Variants in SLAIN2 observed in about 807,000 individuals in gnomAD.
SLAIN2 encodes SLAIN family member 2.
SLAIN2 carries 31 observed loss-of-function variants against 56.6 expected under a neutral mutation model. The ratio of observed to expected loss-of-function variants is 0.55; its 90% confidence interval spans 0.41 to 0.74. SLAIN2 has a LOEUF of 0.74. Ranked by LOEUF, SLAIN2 falls within the 30% of genes least tolerant of loss-of-function variation. The pLI is 0.00. For missense variants in SLAIN2, 777 were observed against 754.2 expected (o/e 1.03, Z -0.35); for synonymous variants, 317 against 284.9 (o/e 1.11, Z -1.13).
At chr4:48,365,110 T>C (rs1715478241) in intron 1 of SLAIN2, among the ~76,000 whole-genome samples, 1 of 152,154 alleles carries the variant, frequency 6.6e-6, no homozygotes, top group Non-Finnish European at 1.5e-5. Flanking sequence ...CTTTTGTTTT[T>C]GGTAAGTTAT....
chr4:48,402,916 T>C (rs1716593572), intron 6 of SLAIN2, among the ~76,000 whole-genome samples: 1 of 152,198 alleles, frequency 6.6e-6, no homozygotes, highest in Non-Finnish European at 1.5e-5. Context: ...GCGGTCCTTT[T>C]TGTTGATGTT....
At chr4:48,358,009 C>G (rs1715207973) in intron 1 of SLAIN2, among the ~76,000 whole-genome samples, 1 of 152,090 alleles carries the variant, frequency 6.6e-6, no homozygotes, top group South Asian at 2.1e-4. Context: ...CTATTAAAGT[C>G]TTTAACTTAG....
In SLAIN2 at chr4:48,342,803, T is replaced by A. The variant is rs781094371; in HGVS notation, c.389+675T>A. On this transcript the variant is annotated intron_variant, in intron 1 of 7. Coordinates refer to ENST00000264313, the MANE Select transcript of SLAIN2 (RefSeq NM_020846.2). Reference sequence around the variant, plus strand: ...CTTATTTTCTAAAACAAGAATTGAGTCTGGCGTTTTGCAGAGCTCTGAATT... The same window carrying A: ...CTTATTTTCTAAAACAAGAATTGAGACTGGCGTTTTGCAGAGCTCTGAATT... Among the ~76,000 whole-genome samples the A allele has an allele frequency of 4.8e-5, 7 of 145,584 alleles. No individual in the cohort carries two copies. The East Asian group carries it at 6.1e-4, about 13-fold the overall frequency.
At chr4:48,418,858 G>C (rs1717068943) in intron 6 of SLAIN2, among the ~76,000 whole-genome samples, 1 of 152,148 alleles carries the variant, frequency 6.6e-6, no homozygotes, top group African/African-American at 2.4e-5. Context: ...TACAGTGTGT[G>C]TGTGTGTATG....
At chr4:48,399,267 T>A (rs931113621) in intron 6 of SLAIN2, among the ~76,000 whole-genome samples, 2 of 152,186 alleles carry the variant, frequency 1.3e-5, no homozygotes, top group Non-Finnish European at 2.9e-5. Context: ...TTTGTAGCAT[T>A]GTGAATGGGA....
chr4:48,359,910 C>CT (rs2109743045), intron 1 of SLAIN2, among the ~76,000 whole-genome samples: 1 of 152,312 alleles, frequency 6.6e-6, no homozygotes, highest in African/African-American at 2.4e-5. Flanking sequence ...AATCCCAGCA[C>CT]TTTGAGAGGC....
chr4:48,353,602 A>G (rs1715077406), intron 1 of SLAIN2, among the ~76,000 whole-genome samples: 1 of 152,126 alleles, frequency 6.6e-6, no homozygotes, highest in Non-Finnish European at 1.5e-5. Context: ...GGTTTTTTTT[A>G]CTGGAGTAAA....
Position 48,422,146 on chromosome 4 carries a change from T to C in SLAIN2, c.*69T>C, listed in dbSNP as rs1340204568. ...CCTTCACCAGGCTAAAAAACAACTT[T>C]TATATGCAGACTGTTCAGATAAGAC... On this transcript the variant is annotated 3_prime_UTR_variant, in exon 8 of 8. Transcript: ENST00000264313. The C allele has an allele frequency of 2.5e-6, 3 of 1,192,464 alleles. No homozygotes were observed. Among genetic ancestry groups the C allele is most frequent in the Non-Finnish European group, 2.4e-6 (2 of 816,758 alleles). 73.9% of individuals were successfully genotyped at this position (1,192,464 alleles called of 1,614,324 possible).
chr4:48,377,718 G>GT (rs1715858916), intron 2 of SLAIN2, among the ~76,000 whole-genome samples, 178 bp from the exon 3 acceptor site: 1 of 151,926 alleles, frequency 6.6e-6, no homozygotes, highest in Non-Finnish European at 1.5e-5. Context: ...TGCATACACA[G>GT]TTTAAGATAA....
At chr4:48,364,364 C>T (rs1022021356) in intron 1 of SLAIN2, among the ~76,000 whole-genome samples, 5 of 84,694 alleles carry the variant, frequency 5.9e-5, no homozygotes, top group Non-Finnish European at 1.3e-4. Context: ...GGATGGCGGC[C>T]GGGTGGAGAC....
At chr4:48,383,605 C>A in intron 5 of SLAIN2, 42 bp from the exon 6 acceptor site, 1 of 1,446,656 alleles carries the variant, frequency 6.9e-7, no homozygotes, top group Non-Finnish European at 9.2e-7. Context: ...TTTTCTCCAT[C>A]TGAAAGAATA....
intron 7 of SLAIN2, among the ~76,000 whole-genome samples, chr4:48,421,524 C>T (rs1717157146): frequency 6.6e-6 from 1 of 151,960 alleles, no homozygotes; most frequent in Non-Finnish European, 1.5e-5. Flanking sequence ...TTCTATTTTT[C>T]AAAAGAGGAT....
chr4:48,371,992 G>A (rs1039888829), intron 2 of SLAIN2, among the ~76,000 whole-genome samples: 4 of 142,696 alleles, frequency 2.8e-5, no homozygotes, highest in Admixed American at 7.0e-5. Context: ...ACACACACGC[G>A]CGCACACACA....
At chr4:48,385,945 T>G (rs1351060925) in intron 6 of SLAIN2, among the ~76,000 whole-genome samples, 5 of 151,794 alleles carry the variant, frequency 3.3e-5, no homozygotes, top group African/African-American at 4.8e-5. Context: ...AAAAAATGTT[T>G]TTTTTTTTTT....
chr4:48,353,269 G>C (rs941876553), intron 1 of SLAIN2, among the ~76,000 whole-genome samples: 12 of 152,216 alleles, frequency 7.9e-5, no homozygotes, highest in African/African-American at 2.9e-4. Flanking sequence ...ATTTAAATTA[G>C]AACTGCCTTG....
intron 6 of SLAIN2, among the ~76,000 whole-genome samples, chr4:48,406,770 G>A (rs550540066): frequency 5.1e-4 from 77 of 152,154 alleles, no homozygotes; most frequent in African/African-American, 1.9e-3. Context: ...GCATGTTGAT[G>A]ATAACTTATC....
rs751686163 is a variant in SLAIN2 at position 48,378,074 on chromosome 4, G to T, written c.703+14G>T. 1.2e-6 allele frequency: 2 copies of T among 1,609,462 alleles called. No homozygotes were observed. The highest frequency in any genetic ancestry group is 8.5e-7 in the Non-Finnish European group (1 of 1,178,188). On this transcript the variant is annotated intron_variant, in intron 3 of 7. Transcript: ENST00000264313. ...CTGGAAATTCAGGTAAGGAGAAAATGATATGGAGCTATTAAGGAATGTTTT... is the reference window on the plus strand; with the variant it reads ...CTGGAAATTCAGGTAAGGAGAAAATTATATGGAGCTATTAAGGAATGTTTT...
chr4:48,363,736 A>G (rs1240271028), intron 1 of SLAIN2, among the ~76,000 whole-genome samples: 271 of 63,898 alleles, frequency 4.2e-3, no homozygotes, highest in Non-Finnish European at 5.2e-3. Flanking sequence ...GCGGCTGGCC[A>G]GGCGGGGGGC....
At chr4:48,342,788 A>G (rs898129481) in intron 1 of SLAIN2, among the ~76,000 whole-genome samples, 1 of 117,584 alleles carries the variant, frequency 8.5e-6, no homozygotes, top group Non-Finnish European at 1.6e-5. Flanking sequence ...CTTATTTTCT[A>G]AAACAAGAAT....
Sources: gnomAD v4.1 joint callset for allele counts (sites outside exome capture counted in the v4.1 genomes callset) on GRCh38, gnomAD v4.1.1 for gene constraint, MANE v1.5 for transcripts, NCBI Gene and HGNC (gene_info 2026-07-23, HGNC 2026-07-21) for gene names.